The following ARHGAP28 variants were observed in gnomAD, a reference collection of about 807,000 sequenced individuals.
The protein encoded by ARHGAP28 is Rho GTPase activating protein 28, also known as rho GTPase-activating protein 28.
In ARHGAP28, 56 loss-of-function variants were observed where a neutral mutation model predicts 90.7. That is an observed-to-expected ratio of 0.62 (90% CI 0.50 to 0.77). The LOEUF (loss-of-function observed/expected upper bound fraction) is 0.77, where lower values mean the gene tolerates loss of function less well. ARHGAP28 is among the 30% of genes least tolerant of loss of function. ARHGAP28 has a pLI of 0.00. For synonymous variants in ARHGAP28, 308 were observed against 323.3 expected, an observed-to-expected ratio of 0.95 and a Z score of 0.51; for missense variants, 869 against 900.9, an observed-to-expected ratio of 0.96 and a Z score of 0.45.
chr18:6,823,694 C>T (rs982927433), intron 1 of ARHGAP28, among the ~76,000 whole-genome samples: 7 of 150,072 alleles, frequency 4.7e-5, no homozygotes, highest in Non-Finnish European at 1.0e-4. Context: ...GTATTACCTA[C>T]AATCAAAATT....
chr18:6,868,320 A>C, intron 6 of ARHGAP28, 86 bp downstream of exon 6: 1 of 1,219,464 alleles, frequency 8.2e-7, no homozygotes, highest in Non-Finnish European at 1.2e-6. Flanking sequence ...GAATTTCTAA[A>C]AGCGAAGTAT....
intron 3 of ARHGAP28, among the ~76,000 whole-genome samples, chr18:6,846,384 G>T (rs1038762263): frequency 2.0e-5 from 3 of 152,064 alleles, no homozygotes; most frequent in Non-Finnish European, 4.4e-5. Context: ...GCAGGTTCTT[G>T]GTCTCTCCTA....
chr18:6,836,963 GA>G (rs1220063419), intron 2 of ARHGAP28, among the ~76,000 whole-genome samples: 1 of 152,038 alleles, frequency 6.6e-6, no homozygotes, highest in Non-Finnish European at 1.5e-5. Flanking sequence ...TCTCTAGCAG[GA>G]AAATTTACCT....
chr18:6,903,826 CAAAAAAAAA>C, intron 16 of ARHGAP28, among the ~76,000 whole-genome samples: 2 of 84,052 alleles, frequency 2.4e-5, no homozygotes, highest in Middle Eastern at 8.6e-3. Flanking sequence ...GACTCCATCT[CAAAAAAAAA>C]AAAAAAAAAA....
intron 1 of ARHGAP28, among the ~76,000 whole-genome samples, chr18:6,743,112 GGAAGAGAGA>G (rs1489299173): frequency 1.3e-5 from 2 of 152,044 alleles, no homozygotes; most frequent in Non-Finnish European, 2.9e-5. Context: ...CTAGTGAGAA[GGAAGAGAGA>G]GAAGAGGGAG....
Position 6,845,061 on chromosome 18 carries a change from G to T in ARHGAP28, c.544-5973G>T, listed in dbSNP as rs149812066. ...AGTATTAATTTAATTCCCACCATAA[G>T]AAATATTTTGACATTTCAGTTATTT... On this transcript the variant is annotated intron_variant, in intron 3 of 17. Transcript: ENST00000383472. Among the ~76,000 whole-genome samples the T allele has an allele frequency of 1.3e-3, 204 of 152,140 alleles. 2 individuals carry two copies. The Middle Eastern group carries it at 0.014, about 10-fold the overall frequency.
intron 1 of ARHGAP28, among the ~76,000 whole-genome samples, chr18:6,762,053 T>G (rs750378368): frequency 6.6e-6 from 1 of 152,204 alleles, no homozygotes; most frequent in Non-Finnish European, 1.5e-5. Context: ...GCTGGTAGCA[T>G]AGGGATCATT....
chr18:6,847,900 A>G (rs2056878980), intron 3 of ARHGAP28, among the ~76,000 whole-genome samples: 1 of 152,172 alleles, frequency 6.6e-6, no homozygotes, highest in Non-Finnish European at 1.5e-5. Flanking sequence ...AGTCCAGGGA[A>G]TCTACGCAAG....
intron 1 of ARHGAP28, among the ~76,000 whole-genome samples, chr18:6,737,073 G>A (rs4798488): frequency 0.97 from 147,926 of 152,272 alleles, 72,015 homozygotes; most frequent in Middle Eastern, 1. Context: ...GTCTCTAGAT[G>A]TCAGTTCTAG....
intron 1 of ARHGAP28, among the ~76,000 whole-genome samples, chr18:6,807,970 CT>C (rs2056531081): frequency 6.6e-6 from 1 of 152,192 alleles, no homozygotes. Context: ...TTCCCTGTTC[CT>C]CCAGGATCAC....
intron 9 of ARHGAP28, among the ~76,000 whole-genome samples, chr18:6,875,643 T>C (rs2057125269): frequency 6.6e-6 from 1 of 152,202 alleles, no homozygotes. Flanking sequence ...ATTACTTTTT[T>C]AACACCTATC....
intron 4 of ARHGAP28, among the ~76,000 whole-genome samples, chr18:6,851,609 G>A (rs1228556891): frequency 1.3e-5 from 2 of 152,084 alleles, no homozygotes; most frequent in Non-Finnish European, 2.9e-5. Context: ...AATGTTTATA[G>A]CAGCTTTATT....
intron 1 of ARHGAP28, among the ~76,000 whole-genome samples, chr18:6,760,361 A>G (rs2056149369): frequency 6.6e-6 from 1 of 152,218 alleles, no homozygotes; most frequent in African/African-American, 2.4e-5. Flanking sequence ...TACAATCCCC[A>G]TCACACCAAG....
At chr18:6,754,432 A>G (rs775548106) in intron 1 of ARHGAP28, among the ~76,000 whole-genome samples, 23 of 152,202 alleles carry the variant, frequency 1.5e-4, no homozygotes, top group Non-Finnish European at 2.8e-4. Flanking sequence ...TTAAGAATCC[A>G]TGCTGGCTAA....
chr18:6,841,172 C>CTCTCTCTCTCCTCTCTCACTG (rs2056812598), intron 3 of ARHGAP28, among the ~76,000 whole-genome samples: 1 of 76,222 alleles, frequency 1.3e-5, no homozygotes, highest in Non-Finnish European at 2.6e-5. Flanking sequence ...TCTCTCCTCT[C>CTCTCTCTCTCCTCTCTCACTG]TCTCTCTCCT....
chr18:6,909,862 C>T (rs2057386675), intron 17 of ARHGAP28, among the ~76,000 whole-genome samples: 1 of 152,104 alleles, frequency 6.6e-6, no homozygotes, highest in South Asian at 2.1e-4. Context: ...CACCAGCACC[C>T]TCCACTCTCC....
rs1555621918 is a variant in ARHGAP28, at chr18:6,730,221, G to GTATGTATGTATA, written c.122+281_122+282insGTATGTATATAT. 9.1e-5 allele frequency: 16 copies of GTATGTATGTATA among 175,084 alleles called. 2 individuals carry two copies. In the East Asian group the frequency reaches 2.0e-3, roughly 22 times the overall value. The allele number at this position is 175,084 out of a possible 1,614,324, so 10.8% of individuals were successfully genotyped here. A position where few individuals can be genotyped will look rare whatever the true frequency, so the allele number is the denominator to read the frequency against. ...GATACGATTTGAGGATAAGTCATGT[G>GTATGTATGTATA]TATATATATATATATACCTCATTTC... On this transcript the variant is annotated intron_variant, in intron 1 of 17. Coordinates refer to ENST00000383472, the MANE Select transcript of ARHGAP28 (RefSeq NM_001366230.1).
intron 11 of ARHGAP28, among the ~76,000 whole-genome samples, chr18:6,884,413 T>G (rs2057204278): frequency 6.6e-6 from 1 of 152,168 alleles, no homozygotes; most frequent in Non-Finnish European, 1.5e-5. Flanking sequence ...TTCTAACACC[T>G]GGGTTATCTC....
chr18:6,878,264 A>G (rs1343656956), intron 10 of ARHGAP28, among the ~76,000 whole-genome samples: 1 of 147,562 alleles, frequency 6.8e-6, no homozygotes, highest in African/African-American at 2.5e-5. Context: ...CAAACACCGC[A>G]TGTTCTCACT....
Sources: gnomAD v4.1 joint callset for allele counts (sites outside exome capture counted in the v4.1 genomes callset) on GRCh38, gnomAD v4.1.1 for gene constraint, MANE v1.5 for transcripts, NCBI Gene and HGNC (gene_info 2026-07-23, HGNC 2026-07-21) for gene names.